Variants in ALCAM observed in about 807,000 individuals in gnomAD.
The protein encoded by ALCAM is activated leukocyte cell adhesion molecule, also known as CD166 antigen.
In ALCAM, 30 loss-of-function variants were observed where a neutral mutation model predicts 70.9. The ratio of observed to expected loss-of-function variants is 0.42; its 90% CI spans 0.32 to 0.57. ALCAM has a LOEUF of 0.57. ALCAM is among the 20% of genes least tolerant of loss of function. The pLI, the probability that ALCAM is intolerant of heterozygous loss-of-function variation, is 0.11. For missense variants in ALCAM, 591 were observed against 695.1 expected, an observed-to-expected ratio of 0.85 and a Z score of 1.68; for synonymous variants, 249 against 242.5, an observed-to-expected ratio of 1.03 and a Z score of -0.25.
At chr3:105,510,156 G>A (rs879389643) in intron 1 of ALCAM, among the ~76,000 whole-genome samples, 10 of 151,982 alleles carry the variant, frequency 6.6e-5, no homozygotes, top group East Asian at 1.9e-4. Flanking sequence ...GGGGGTGGTC[G>A]GTGTGGAGAA....
intron 1 of ALCAM, among the ~76,000 whole-genome samples, chr3:105,420,214 C>T (rs182288325): frequency 1.3e-5 from 2 of 151,818 alleles, no homozygotes; most frequent in East Asian, 3.9e-4. Flanking sequence ...TGATGTTCCT[C>T]TTCCTCTCTC....
intron 1 of ALCAM, among the ~76,000 whole-genome samples, chr3:105,414,973 C>T (rs1936474157): frequency 1.3e-5 from 2 of 152,044 alleles, no homozygotes; most frequent in African/African-American, 4.8e-5. Context: ...AAGCAGATAT[C>T]GTCTGACCTA....
Position 105,477,346 on chromosome 3 carries a change from A to G in ALCAM, c.74-42721A>G, listed in dbSNP as rs151301761. Among the ~76,000 whole-genome samples the G allele has an allele frequency of 5.2e-3, 789 of 152,204 alleles. 4 individuals are homozygous for G. The highest frequency in any genetic ancestry group is 0.017 in the African/African-American group (714 of 41,544). Reference sequence around the variant, plus strand: ...TTTCTAGTAATATAGGTCTATCTGTACATATCTTTATTTTGCTTTCATTCT... The same window carrying G: ...TTTCTAGTAATATAGGTCTATCTGTGCATATCTTTATTTTGCTTTCATTCT... On this transcript the variant is annotated intron_variant, in intron 1 of 15. Coordinates refer to ENST00000306107, the MANE Select transcript of ALCAM (RefSeq NM_001627.4).
intron 1 of ALCAM, among the ~76,000 whole-genome samples, chr3:105,434,493 C>CA (rs1937008125): frequency 6.6e-6 from 1 of 151,932 alleles, no homozygotes; most frequent in Admixed American, 6.6e-5. Context: ...GTCCTTACTT[C>CA]AAAAATATGA....
intron 4 of ALCAM, among the ~76,000 whole-genome samples, chr3:105,533,142 G>T (rs1370270199): frequency 6.6e-6 from 1 of 152,090 alleles, no homozygotes; most frequent in African/African-American, 2.4e-5. Flanking sequence ...AAAGTGAGGG[G>T]AATTATAGAG....
intron 1 of ALCAM, among the ~76,000 whole-genome samples, chr3:105,517,677 T>C: frequency 6.6e-6 from 1 of 152,170 alleles, no homozygotes. Flanking sequence ...ATGTGTTTGC[T>C]GTTTGTTTCT....
chr3:105,466,056 C>T (rs1050668523), intron 1 of ALCAM, among the ~76,000 whole-genome samples: 3 of 151,414 alleles, frequency 2.0e-5, no homozygotes, highest in African/African-American at 7.3e-5. Flanking sequence ...TACACAGTTT[C>T]TATTTTAAAA....
rs143663244 is a variant in ALCAM, at chr3:105,556,657, A to G, written c.1664+4072A>G. Among the ~76,000 whole-genome samples, 322 of 152,026 alleles carry G rather than the reference A, an allele frequency of 2.1e-3. 3 individuals are homozygous for G. The highest frequency in any genetic ancestry group is 7.3e-3 in the African/African-American group (304 of 41,488). On this transcript the variant is annotated intron_variant, in intron 14 of 15. Transcript: ENST00000306107. ...TATGTTAACATTGTTAAAATTAACA[A>G]TGTTAATTAAGCCTTTCTAGAATCC...
At chr3:105,444,863 C>T (rs1937258664) in intron 1 of ALCAM, among the ~76,000 whole-genome samples, 1 of 152,092 alleles carries the variant, frequency 6.6e-6, no homozygotes. Context: ...ATTGTCTTAA[C>T]AAATCTGAAC....
intron 1 of ALCAM, among the ~76,000 whole-genome samples, chr3:105,381,648 T>C (rs994887538): frequency 6.6e-6 from 1 of 151,868 alleles, no homozygotes; most frequent in African/African-American, 2.4e-5. Context: ...GCAATTGTTT[T>C]AGGTCATTAG....
In ALCAM at chr3:105,520,146, C is replaced by T; in HGVS notation, c.153C>T (p.Leu51=). 6.2e-7 allele frequency: 1 copy of T among 1,611,824 alleles called. No homozygotes were observed. Among genetic ancestry groups the T allele is most frequent in the Non-Finnish European group, 8.5e-7 (1 of 1,178,248 alleles). The change falls in exon 2 of 16, where the codon CTC becomes CTT. Residue 51 remains leucine (L), a synonymous_variant. Coordinates refer to ENST00000306107, the MANE Select transcript of ALCAM (RefSeq NM_001627.4). ...GCCGACTTGACGTACCTCAGAATCT[C>T]ATGTTTGGCAAATGGAAATATGTAA... ...IPCRLDVPQN[L]MFGKWKYEKP...
intron 14 of ALCAM, among the ~76,000 whole-genome samples, chr3:105,553,942 G>A (rs1453031762): frequency 6.6e-6 from 1 of 151,854 alleles, no homozygotes; most frequent in Non-Finnish European, 1.5e-5. Context: ...CATTTCTCCT[G>A]TTGTGTGTTG....
At chr3:105,473,977 A>G (rs1340242609) in intron 1 of ALCAM, among the ~76,000 whole-genome samples, 2 of 151,352 alleles carry the variant, frequency 1.3e-5, no homozygotes, top group Non-Finnish European at 3.0e-5. Flanking sequence ...CCATGCTTTT[A>G]AGGGTCAACC....
chr3:105,412,103 A>G (rs901424233), intron 1 of ALCAM, among the ~76,000 whole-genome samples: 45 of 152,240 alleles, frequency 3.0e-4, no homozygotes, highest in Middle Eastern at 3.4e-3. Flanking sequence ...ATAAAATGCT[A>G]TAAGTAAAAC....
intron 1 of ALCAM, among the ~76,000 whole-genome samples, chr3:105,423,291 C>A (rs753680994): frequency 9.9e-5 from 15 of 151,254 alleles, no homozygotes; most frequent in African/African-American, 1.5e-4. Flanking sequence ...CTTATGAAAA[C>A]AATAAATATT....
At chr3:105,467,975 A>G (rs1937797529) in intron 1 of ALCAM, among the ~76,000 whole-genome samples, 1 of 151,168 alleles carries the variant, frequency 6.6e-6, no homozygotes, top group African/African-American at 2.4e-5. Flanking sequence ...AATCCCTTCA[A>G]TGTGGTTGAT....
chr3:105,560,636 A>G (rs1940611541), intron 14 of ALCAM, among the ~76,000 whole-genome samples: 2 of 152,084 alleles, frequency 1.3e-5, no homozygotes, highest in African/African-American at 2.4e-5. Context: ...GTATTTTCCT[A>G]TGTTATCTCC....
rs181703319 is a variant in ALCAM at position 105,512,880 on chromosome 3, G to A, written c.74-7187G>A. The stretch of plus-strand genomic sequence containing the variant: ...TAATAGTAGGAAATAGTCAACTTTC[G>A]GAACTTCAGTTAACACAAATTATTA... On this transcript the variant is annotated intron_variant, in intron 1 of 15. Coordinates refer to ENST00000306107, the MANE Select transcript of ALCAM (RefSeq NM_001627.4). Among the ~76,000 whole-genome samples the A allele has an allele frequency of 1.5e-3, 227 of 151,688 alleles. 1 individual carries two copies. The highest frequency in any genetic ancestry group is 4.8e-3 in the African/African-American group (200 of 41,432).
intron 6 of ALCAM, among the ~76,000 whole-genome samples, chr3:105,535,834 G>T (rs1435755745): frequency 6.6e-6 from 1 of 151,956 alleles, no homozygotes; most frequent in African/African-American, 2.4e-5. Context: ...ATCTATTTTA[G>T]AGAAAAGCCA....
Sources: gnomAD v4.1 joint callset for allele counts (sites outside exome capture counted in the v4.1 genomes callset) on GRCh38, gnomAD v4.1.1 for gene constraint, MANE v1.5 for transcripts, NCBI Gene and HGNC (gene_info 2026-07-23, HGNC 2026-07-21) for gene names.